TRIP12: variants seen among roughly 807,000 people sequenced by gnomAD.
TRIP12 encodes the protein E3 ubiquitin-protein ligase TRIP12.
TRIP12 carries 25 observed loss-of-function variants against 244.2 expected under a neutral mutation model. The observed-to-expected ratio is 0.10, with a 90% CI of 0.07 to 0.14. The LOEUF (loss-of-function observed/expected upper bound fraction) is 0.14, where lower values mean the gene tolerates loss of function less well. Among genes scored for constraint, TRIP12 ranks in the 10% least tolerant of loss-of-function variants. The pLI is 1.00. For missense variants in TRIP12, 1,677 were observed against 2,486.4 expected, an observed-to-expected ratio of 0.67 and a Z score of 6.92; for synonymous variants, 905 against 873.1, an observed-to-expected ratio of 1.04 and a Z score of -0.64.
At chr2:229,886,087 T>A (rs562179652) in intron 1 of TRIP12, among the ~76,000 whole-genome samples, 1 of 152,322 alleles carries the variant, frequency 6.6e-6, no homozygotes, top group Non-Finnish European at 1.5e-5. Context: ...ACAAAAACTT[T>A]CTACAAAACC....
At chr2:229,875,504 T>A (rs1456402216) in intron 2 of TRIP12, among the ~76,000 whole-genome samples, 3 of 152,180 alleles carry the variant, frequency 2.0e-5, no homozygotes, top group Non-Finnish European at 2.9e-5. Flanking sequence ...ATCATACGGA[T>A]CCAGTGGGCT....
intron 6 of TRIP12, among the ~76,000 whole-genome samples, chr2:229,831,735 AC>A (rs1325601553): frequency 6.6e-6 from 1 of 152,196 alleles, no homozygotes; most frequent in African/African-American, 2.4e-5. Flanking sequence ...TACTAACCTG[AC>A]CAACAATGAC....
Position 229,908,858 on chromosome 2 carries a change from G to A in TRIP12, c.-50+13022C>T, listed in dbSNP as rs148285541. Among the ~76,000 whole-genome samples the A allele has an allele frequency of 2.4e-3, 368 of 152,120 alleles. 3 individuals are homozygous for A. Among genetic ancestry groups the A allele is most frequent in the African/African-American group, 8.4e-3 (350 of 41,506 alleles). On this transcript the variant is annotated intron_variant, in intron 1 of 41. Transcript: ENST00000675903. ...TGTAATCCCAGCATTCTGGGAGGCC[G>A]AGGCGGGCAGATCACTTGAGGCCAG...
intron 11 of TRIP12, among the ~76,000 whole-genome samples, chr2:229,814,701 A>G (rs2048086686): frequency 6.6e-6 from 1 of 152,226 alleles, no homozygotes; most frequent in Non-Finnish European, 1.5e-5. Flanking sequence ...AAACAAACAA[A>G]AAGGTCCGTA....
chr2:229,821,403 G>A (rs1384738918), intron 8 of TRIP12, among the ~76,000 whole-genome samples: 1 of 152,114 alleles, frequency 6.6e-6, no homozygotes, highest in Non-Finnish European at 1.5e-5. Context: ...CACAGATCAG[G>A]GTTTGGCAGG....
chr2:229,878,269 G>C (rs557515224), intron 2 of TRIP12, among the ~76,000 whole-genome samples: 5 of 152,084 alleles, frequency 3.3e-5, no homozygotes, highest in African/African-American at 4.8e-5. Context: ...GACCAACATG[G>C]TGAAACACCA....
chr2:229,820,305 TATC>T (rs1465968211), intron 8 of TRIP12, among the ~76,000 whole-genome samples: 3 of 151,970 alleles, frequency 2.0e-5, no homozygotes, highest in African/African-American at 4.8e-5. Context: ...TAATCAAAAT[TATC>T]ATCAATACCA....
chr2:229,882,721 C>G (rs1290090303), intron 1 of TRIP12, among the ~76,000 whole-genome samples: 1 of 152,198 alleles, frequency 6.6e-6, no homozygotes, highest in East Asian at 1.9e-4. Flanking sequence ...ACCTGCCCAC[C>G]TTCTGCTATT....
chr2:229,774,178 C>T lies in TRIP12; in HGVS notation c.5613G>A (p.Leu1871=). 6.2e-7 allele frequency: 1 copy of T among 1,614,158 alleles called. No homozygotes were observed. The highest frequency in any genetic ancestry group is 2.2e-5 in the East Asian group (1 of 44,886). ...SVEDLGLDFT[L]PGFPNIELKK... ...TCAGTTCGATATTGGGAAACCCTGGCAGAGTGAAATCCAGTCCTAGATCTT... is the reference window on the plus strand; with the variant it reads ...TCAGTTCGATATTGGGAAACCCTGGTAGAGTGAAATCCAGTCCTAGATCTT... The change falls in exon 38 of 42, where the codon CTG becomes CTA. Residue 1871 remains leucine (L), a synonymous_variant. Coordinates refer to ENST00000675903, the MANE Select transcript of TRIP12 (RefSeq NM_001348323.3).
Position 229,887,407 on chromosome 2 carries a change from GTTCCTT to G in TRIP12, c.-49-7285_-49-7280del, listed in dbSNP as rs376776004. ...AATTATAATGCAGGGATGTGGAGTG[GTTCCTT>G]GAGCCTGAAAATAAGCCTAAACTCT... On this transcript the variant is annotated intron_variant, in intron 1 of 41. Transcript: ENST00000675903. Among the ~76,000 whole-genome samples, 521 of 152,260 alleles carry G rather than the reference GTTCCTT, an allele frequency of 3.4e-3. 3 individuals carry two copies. The highest frequency in any genetic ancestry group is 0.014 in the Middle Eastern group (4 of 294).
At chr2:229,920,691 C>T (rs967440010) in intron 1 of TRIP12, among the ~76,000 whole-genome samples, 1 of 152,200 alleles carries the variant, frequency 6.6e-6, no homozygotes, top group Non-Finnish European at 1.5e-5. Context: ...TCCTGTCCCC[C>T]ACCAGGAGTT....
intron 4 of TRIP12, 99 bp from the exon 5 acceptor site, chr2:229,841,026 G>C: frequency 1.1e-6 from 1 of 869,936 alleles, no homozygotes; most frequent in Non-Finnish European, 1.8e-6. Context: ...AAACTTCACA[G>C]AATATTTTTA....
At chr2:229,894,217 G>T (rs533504872) in intron 1 of TRIP12, 1 of 151,990 alleles carries the variant, frequency 6.6e-6, no homozygotes, top group Non-Finnish European at 1.5e-5. Context: ...GTTCTAATAC[G>T]TATTTCCCTA....
At chr2:229,922,715 A>G, upstream of TRIP12, 1 of 1,178,824 alleles carries the variant, frequency 8.5e-7, no homozygotes, top group African/African-American at 1.5e-5. Context: ...GCCCGCCGGA[A>G]GCGCCCAGTC....
intron 1 of TRIP12, among the ~76,000 whole-genome samples, chr2:229,919,506 C>T (rs2076103053): frequency 6.6e-6 from 1 of 152,010 alleles, no homozygotes; most frequent in South Asian, 2.1e-4. Flanking sequence ...ACTGATTTTA[C>T]CGTGATCTAC....
chr2:229,850,683 G>A (rs139961741), intron 4 of TRIP12, among the ~76,000 whole-genome samples: 4,988 of 152,344 alleles, frequency 0.033, 119 homozygotes, highest in Non-Finnish European at 0.047. Flanking sequence ...GCCAAGGCCA[G>A]AGCCCACTCC....
chr2:229,894,141 T>A (rs1356195542), intron 1 of TRIP12, among the ~76,000 whole-genome samples: 1 of 151,832 alleles, frequency 6.6e-6, no homozygotes, highest in East Asian at 1.9e-4. Flanking sequence ...GGTGACAGAG[T>A]GAGACTCTGG....
chr2:229,837,559 G>A (rs920967049), intron 5 of TRIP12, among the ~76,000 whole-genome samples: 3 of 152,044 alleles, frequency 2.0e-5, no homozygotes, highest in African/African-American at 4.8e-5. Flanking sequence ...GCTCGAACCC[G>A]GGAGGCGGAG....
In TRIP12 at chr2:229,810,978, G is replaced by A; in HGVS notation, c.2123C>T (p.Pro708Leu). ...AAACATCCCAGAACTTAAAATGGGT[G>A]GAGTCACTACCAACAGCTGTTGAAC... The part of the protein sequence containing the change: ...TNVQQLLVVT[P>L]PILSSGMFIM... The change falls in exon 15 of 42, where the codon CCA (proline) becomes CTA (leucine). Residue 708 changes from proline to leucine, a missense_variant. By Grantham distance (98) the Pro-to-Leu change is moderately conservative. Coordinates refer to ENST00000675903, the MANE Select transcript of TRIP12 (RefSeq NM_001348323.3). 1 of 1,614,086 alleles carries A rather than the reference G, an allele frequency of 6.2e-7. No homozygotes were observed. Among genetic ancestry groups the A allele is most frequent in the Non-Finnish European group, 8.5e-7 (1 of 1,179,994 alleles).
Sources: gnomAD v4.1 joint callset for allele counts (sites outside exome capture counted in the v4.1 genomes callset) on GRCh38, gnomAD v4.1.1 for gene constraint, MANE v1.5 for transcripts, NCBI Gene and HGNC (gene_info 2026-07-23, HGNC 2026-07-21) for gene names.